The following GATA2 variants were observed in gnomAD, a reference collection of about 807,000 sequenced individuals.
GATA2 encodes endothelial transcription factor GATA-2.
A neutral mutation model predicts 35.7 loss-of-function variants in GATA2; 6 were observed. The observed-to-expected ratio is 0.17, with a 90% CI of 0.09 to 0.33. The LOEUF is 0.33. Among genes scored for constraint, GATA2 ranks in the 10% least tolerant of loss-of-function variants. The pLI, the probability that GATA2 is intolerant of heterozygous loss-of-function variation, is 1.00. For missense variants in GATA2, 541 were observed against 656.6 expected (o/e 0.82, Z 1.92); for synonymous variants, 313 against 274.9 (o/e 1.14, Z -1.37).
chr3:128,482,074 G>C (rs2068638061), intron 4 of GATA2, 130 bp from the exon 5 acceptor site: 2 of 1,178,116 alleles, frequency 1.7e-6, no homozygotes, highest in African/African-American at 3.0e-5. Flanking sequence ...GGGAATCAAA[G>C]CATCTCAGAA....
chr3:128,490,562 G>C (rs2068757848), intron 1 of GATA2: 1 of 152,224 alleles, frequency 6.6e-6, no homozygotes. Context: ...GCATTCTCTG[G>C]CGGAAACGAA....
At chr3:128,487,158 C>T in intron 1 of GATA2, 82 bp from the exon 2 acceptor site, 1 of 748,558 alleles carries the variant, frequency 1.3e-6, no homozygotes, top group South Asian at 1.9e-5. Flanking sequence ...CCGCACGCCA[C>T]GGAGCCCCAG....
At chr3:128,492,467 C>A (rs1378042354) in intron 1 of GATA2, among the ~76,000 whole-genome samples, 1 of 152,184 alleles carries the variant, frequency 6.6e-6, no homozygotes, top group Non-Finnish European at 1.5e-5. Flanking sequence ...CAAGCAGGAG[C>A]GAGCTGGGTT....
chr3:128,481,469 G>A, intron 5 of GATA2, 151 bp from the exon 6 acceptor site: 1 of 914,154 alleles, frequency 1.1e-6, no homozygotes, highest in Non-Finnish European at 1.7e-6. Flanking sequence ...TCACCAGATG[G>A]CTACCATTCC....
intron 4 of GATA2, among the ~76,000 whole-genome samples, chr3:128,482,723 C>A (rs2068645578): frequency 6.6e-6 from 1 of 152,144 alleles, no homozygotes; most frequent in Non-Finnish European, 1.5e-5. Context: ...TCAGGAAATG[C>A]CTGGCAGAGG....
rs1576743155 is a variant in GATA2 at position 128,480,067 on chromosome 3, T to C, written c.*952A>G. 1.3e-5 allele frequency: 3 copies of C among 233,216 alleles called. No homozygotes were observed. Among genetic ancestry groups the C allele is most frequent in the East Asian group, 1.2e-4 (2 of 16,574 alleles). The allele number at this position is 233,216 out of a possible 1,614,324, so 14.4% of individuals were successfully genotyped here. ...TTGTGTGTAGGTTTTATTCCTTTCATAGCAGGGCTCCTGTGGCTACGTACA... is the reference window on the plus strand; with the variant it reads ...TTGTGTGTAGGTTTTATTCCTTTCACAGCAGGGCTCCTGTGGCTACGTACA... On this transcript the variant is annotated 3_prime_UTR_variant, in exon 6 of 6. Transcript: ENST00000341105.
intron 1 of GATA2, chr3:128,489,591 C>T (rs779049869): frequency 5.3e-5 from 8 of 152,150 alleles, no homozygotes; most frequent in Non-Finnish European, 8.8e-5. Context: ...GAGGCCGGCG[C>T]CAGCCCGGGA....
At chr3:128,482,314 C>T (rs1292403910) in intron 4 of GATA2, among the ~76,000 whole-genome samples, 1 of 152,096 alleles carries the variant, frequency 6.6e-6, no homozygotes, top group East Asian at 1.9e-4. Flanking sequence ...GGCTTGGTCC[C>T]CCTCGAGCCC....
intron 3 of GATA2, 58 bp from the exon 4 acceptor site, chr3:128,484,063 G>T (rs1448600509): frequency 6.3e-7 from 1 of 1,593,350 alleles, no homozygotes; most frequent in Non-Finnish European, 8.5e-7. Context: ...TCTCGGGAGG[G>T]AGTCCAGGGC....
chr3:128,480,730 G>A lies in GATA2; in HGVS notation c.*289C>T, dbSNP rs2068614913. 4 of 411,662 alleles carry A rather than the reference G, an allele frequency of 9.7e-6. No homozygotes were observed. The highest frequency in any genetic ancestry group is 1.9e-4 in the South Asian group (2 of 10,450). The allele number at this position is 411,662 out of a possible 1,614,324, so 25.5% of individuals were successfully genotyped here. ...TTTCCTTCTAAAAATGGTTGCCTTC[G>A]TCTGTCCCGTCCCCTCCTTTTCTCT... is the stretch of plus-strand genomic sequence containing the variant. On this transcript the variant is annotated 3_prime_UTR_variant, in exon 6 of 6. Transcript: ENST00000341105.
intron 1 of GATA2, among the ~76,000 whole-genome samples, chr3:128,492,500 G>T (rs1446930959): frequency 1.3e-5 from 2 of 152,200 alleles, no homozygotes; most frequent in Admixed American, 6.5e-5. Flanking sequence ...GCCGGCGCAC[G>T]GGACCAGCCG....
chr3:128,482,008 C>T (rs991936658), intron 4 of GATA2, 64 bp from the exon 5 acceptor site: 4 of 1,595,660 alleles, frequency 2.5e-6, no homozygotes, highest in Non-Finnish European at 3.4e-6. Flanking sequence ...CCCTCCCTGA[C>T]CCTCGCTCCA....
At chr3:128,491,494 G>T (rs2068767107) in intron 1 of GATA2, among the ~76,000 whole-genome samples, 1 of 151,940 alleles carries the variant, frequency 6.6e-6, no homozygotes, top group Admixed American at 6.6e-5. Flanking sequence ...TTAGCAGATG[G>T]GTTCAGAAGT....
chr3:128,490,844 C>A (rs867141146), intron 1 of GATA2, among the ~76,000 whole-genome samples: 9 of 152,186 alleles, frequency 5.9e-5, no homozygotes, highest in Middle Eastern at 3.2e-3. Flanking sequence ...TGGGCTGGAA[C>A]TTTGGGGTCC....
At position 128,487,074 on chromosome 3, in the gene GATA2, G is replaced by T. The variant is rs895292270; in HGVS notation, c.-43C>A. The T allele has an allele frequency of 2.2e-5, 33 of 1,490,486 alleles. No homozygotes were observed. Among genetic ancestry groups the T allele is most frequent in the Non-Finnish European group, 2.8e-5 (31 of 1,107,404 alleles). 92.3% of individuals were successfully genotyped at this position (1,490,486 alleles called of 1,614,324 possible). On this transcript the variant is annotated splice_region_variant and 5_prime_UTR_variant, in exon 2 of 6. Coordinates refer to ENST00000341105, the MANE Select transcript of GATA2 (RefSeq NM_032638.5). The stretch of plus-strand genomic sequence containing the variant: ...CAGGGTCTGGGTGCAGACGGCAACG[G>T]CCCTGCGCGAGGAAGGGGGAGTGAG...
chr3:128,487,121 C>G (rs1276016304), intron 1 of GATA2, 45 bp from the exon 2 acceptor site: 4 of 1,112,992 alleles, frequency 3.6e-6, no homozygotes, highest in African/African-American at 1.6e-5. Context: ...GCGCCTGACA[C>G]CCCCCAAAGT....
At position 128,482,119 on chromosome 3, in the gene GATA2, C is replaced by T. The variant is rs933498112; in HGVS notation, c.1018-175G>A. 10 of 789,438 alleles carry T rather than the reference C, an allele frequency of 1.3e-5. No individual in the cohort carries two copies. The African/African-American group carries it at 1.6e-4, about 12-fold the overall frequency. The allele number at this position is 789,438 out of a possible 1,614,324, so 48.9% of individuals were successfully genotyped here. A position where few individuals can be genotyped will look rare whatever the true frequency, so the allele number is the denominator to read the frequency against. On this transcript the variant is annotated intron_variant, in intron 4 of 5. Coordinates refer to ENST00000341105, the MANE Select transcript of GATA2 (RefSeq NM_032638.5). ...TTTAGAATTTGAGAACGAAATAAGT[C>T]AAGACTCACAGAACTTTGGAATAAA...
Position 128,487,041 on chromosome 3 carries a change from C to A in GATA2, c.-10G>T. On this transcript the variant is annotated 5_prime_UTR_variant, in exon 2 of 6. Transcript: ENST00000341105. ...CGGGCGCCACCTCCATGGCCGGCGG[C>A]GGCGGCTCAGGGTCTGGGTGCAGAC... The A allele has an allele frequency of 1.3e-6, 2 of 1,565,826 alleles. No homozygotes were observed. The highest frequency in any genetic ancestry group is 8.6e-7 in the Non-Finnish European group (1 of 1,156,376).
intron 1 of GATA2, chr3:128,490,491 G>A (rs1268215075): frequency 6.6e-6 from 1 of 152,266 alleles, no homozygotes; most frequent in Non-Finnish European, 1.5e-5. Context: ...ACGCAGGCAG[G>A]AGCCGGCTTG....
Sources: gnomAD v4.1 joint callset for allele counts (sites outside exome capture counted in the v4.1 genomes callset) on GRCh38, gnomAD v4.1.1 for gene constraint, MANE v1.5 for transcripts, NCBI Gene and HGNC (gene_info 2026-07-23, HGNC 2026-07-21) for gene names.